ZNF679: variants seen among roughly 807,000 people sequenced by gnomAD.
The protein encoded by ZNF679 is zinc finger protein 679.
A neutral mutation model predicts 13.4 loss-of-function variants in ZNF679; 10 were observed. That is an observed-to-expected ratio of 0.75 (90% CI 0.46 to 1.27). The LOEUF (loss-of-function observed/expected upper bound fraction) is 1.27, where lower values mean the gene tolerates loss of function less well. Among genes scored for constraint, ZNF679 ranks in the 50% most tolerant of loss-of-function variants. ZNF679 has a pLI of 0.00. For missense variants in ZNF679, 525 were observed against 477.8 expected (o/e 1.10, Z -0.92); for synonymous variants, 179 against 162.5 (o/e 1.10, Z -0.77).
intron 1 of ZNF679, among the ~76,000 whole-genome samples, chr7:64,245,005 G>C (rs1787847741): frequency 1.3e-5 from 2 of 152,068 alleles, no homozygotes; most frequent in South Asian, 4.1e-4. Context: ...GTTGTTGTTT[G>C]TTTCAGGGAC....
In ZNF679 at chr7:64,260,430, A is replaced by G. The variant is rs184568657; in HGVS notation, c.166+83A>G. Reference sequence around the variant, plus strand: ...TGTTTTTTGGTAATTTCTGCTTTGCATGAGTGAATTTTAGCTCTCTGATTT... The same window carrying G: ...TGTTTTTTGGTAATTTCTGCTTTGCGTGAGTGAATTTTAGCTCTCTGATTT... On this transcript the variant is annotated intron_variant, in intron 3 of 4. Coordinates refer to ENST00000421025, the MANE Select transcript of ZNF679 (RefSeq NM_153363.3). 1.7e-4 allele frequency: 266 copies of G among 1,538,564 alleles called. No homozygotes were observed. The East Asian group carries it at 5.3e-3, about 31-fold the overall frequency.
intron 1 of ZNF679, among the ~76,000 whole-genome samples, chr7:64,230,271 C>T (rs1371157554): frequency 2.0e-5 from 3 of 152,094 alleles, no homozygotes; most frequent in South Asian, 2.1e-4. Context: ...CGGTGGCTCA[C>T]GCCTGTAATC....
rs571305358 is a variant in ZNF679, at chr7:64,232,180, A to G, written c.-91+3528A>G. 5.9e-5 allele frequency among the ~76,000 whole-genome samples: 9 copies of G among 152,214 alleles called. No homozygotes were observed. The South Asian group carries it at 6.2e-4, about 11-fold the overall frequency. On this transcript the variant is annotated intron_variant, in intron 1 of 4. Coordinates refer to ENST00000421025, the MANE Select transcript of ZNF679 (RefSeq NM_153363.3). ...TCCTGGGCGACAGAGTGAATCTCCC[A>G]GGTTTGAGACTGAGAACCTCAAGAG... is the stretch of plus-strand genomic sequence containing the variant.
At chr7:64,238,104 A>T (rs1369832740) in intron 1 of ZNF679, among the ~76,000 whole-genome samples, 2 of 152,100 alleles carry the variant, frequency 1.3e-5, no homozygotes, top group African/African-American at 4.8e-5. Context: ...TCACAAGAAA[A>T]TACCTGTTAA....
chr7:64,233,894 A>G (rs1486293672), intron 1 of ZNF679, among the ~76,000 whole-genome samples: 2 of 152,194 alleles, frequency 1.3e-5, no homozygotes, highest in Non-Finnish European at 2.9e-5. Context: ...CTTGTGAGAA[A>G]CAAGAACGAA....
intron 4 of ZNF679, 127 bp downstream of exon 4, chr7:64,261,056 A>ATT: frequency 3.1e-6 from 3 of 957,518 alleles, no homozygotes; most frequent in Non-Finnish European, 4.5e-6. Context: ...AGCCCGAGTC[A>ATT]TTTTTTTTTC....
At chr7:64,242,185 G>T (rs964653623) in intron 1 of ZNF679, among the ~76,000 whole-genome samples, 1 of 152,146 alleles carries the variant, frequency 6.6e-6, no homozygotes, top group Non-Finnish European at 1.5e-5. Context: ...TCACAATTCC[G>T]ATTTTTGACT....
Position 64,247,257 on chromosome 7 carries a change from A to G in ZNF679, c.-90-1771A>G, listed in dbSNP as rs193233297. Among the ~76,000 whole-genome samples, 304 of 152,190 alleles carry G rather than the reference A, an allele frequency of 2.0e-3. 1 individual carries two copies. Among genetic ancestry groups the G allele is most frequent in the African/African-American group, 7.0e-3 (290 of 41,530 alleles). ...GTGCCAATCTCCTATTTATCCTCTG[A>G]CTTAGAATGCCCGACCTCATGGAAA... is the stretch of plus-strand genomic sequence containing the variant. On this transcript the variant is annotated intron_variant, in intron 1 of 4. Coordinates refer to ENST00000421025, the MANE Select transcript of ZNF679 (RefSeq NM_153363.3).
chr7:64,264,890 T>G (rs1185791207), intron 4 of ZNF679, among the ~76,000 whole-genome samples: 1 of 152,072 alleles, frequency 6.6e-6, no homozygotes, highest in Non-Finnish European at 1.5e-5. Flanking sequence ...CATTATTTTT[T>G]TCTTACTTCT....
intron 1 of ZNF679, among the ~76,000 whole-genome samples, chr7:64,236,975 A>AAGAGAAAG (rs201487010): frequency 6.8e-3 from 110 of 16,258 alleles, no homozygotes; most frequent in African/African-American, 0.016. Flanking sequence ...GAAAGAAAGA[A>AAGAGAAAG]AAAGAAAGAA....
intron 1 of ZNF679, among the ~76,000 whole-genome samples, chr7:64,229,893 G>T (rs950463743): frequency 3.9e-5 from 6 of 152,166 alleles, no homozygotes; most frequent in Admixed American, 3.9e-4. Context: ...GCAGTGCCAT[G>T]GCAGGAAAGC....
intron 1 of ZNF679, among the ~76,000 whole-genome samples, chr7:64,246,535 C>T (rs1172054109): frequency 6.6e-6 from 1 of 152,028 alleles, no homozygotes; most frequent in East Asian, 1.9e-4. Flanking sequence ...TCAATCTGGC[C>T]AACATGGTGA....
chr7:64,236,922 GAAGAAAGA>G (rs1290345784), intron 1 of ZNF679, among the ~76,000 whole-genome samples: 41 of 85,396 alleles, frequency 4.8e-4, no homozygotes, highest in South Asian at 1.4e-3. Context: ...AAGAAAGAAA[GAAGAAAGA>G]AAGAAAGAAA....
Position 64,249,039 on chromosome 7 carries a change from T to G in ZNF679, c.-79T>G, listed in dbSNP as rs951601810. ...TTCTCTGCGTCCAGAGCTCCAGTTC[T>G]TCTCTTCACTGCTCTGCGTCCTCTG... is the stretch of plus-strand genomic sequence containing the variant. On this transcript the variant is annotated 5_prime_UTR_variant, in exon 2 of 5. Transcript: ENST00000421025. 1.1e-5 allele frequency: 17 copies of G among 1,601,766 alleles called. No homozygotes were observed. The highest frequency in any genetic ancestry group is 2.7e-5 in the African/African-American group (2 of 74,566).
chr7:64,237,444 C>A (rs1171820027), intron 1 of ZNF679, among the ~76,000 whole-genome samples: 1 of 152,132 alleles, frequency 6.6e-6, no homozygotes. Context: ...CCCCCTGAAC[C>A]CGGATGAGAC....
chr7:64,239,210 C>A (rs1787763176), intron 1 of ZNF679, among the ~76,000 whole-genome samples: 1 of 152,122 alleles, frequency 6.6e-6, no homozygotes, highest in Non-Finnish European at 1.5e-5. Flanking sequence ...ATATACGGAT[C>A]CAGTCCACAG....
At chr7:64,230,145 A>G (rs964394556) in intron 1 of ZNF679, among the ~76,000 whole-genome samples, 6 of 152,192 alleles carry the variant, frequency 3.9e-5, no homozygotes, top group African/African-American at 1.4e-4. Context: ...CTAAAAATAT[A>G]CTATGATTTC....
chr7:64,261,463 G>T (rs1788076398), intron 4 of ZNF679, among the ~76,000 whole-genome samples: 1 of 151,920 alleles, frequency 6.6e-6, no homozygotes, highest in Admixed American at 6.6e-5. Context: ...TGGGTTATGA[G>T]ACTTGCTGTG....
At chr7:64,265,616 G>T (rs745631506) in intron 4 of ZNF679, among the ~76,000 whole-genome samples, 6 of 152,152 alleles carry the variant, frequency 3.9e-5, no homozygotes, top group Non-Finnish European at 7.4e-5. Context: ...GGATGAAGAA[G>T]GGCTGTGTTG....
Sources: allele counts gnomAD v4.1 joint callset (sites outside exome capture counted in the v4.1 genomes callset), GRCh38; gene constraint gnomAD v4.1.1; transcripts MANE v1.5; gene names NCBI Gene and HGNC (gene_info 2026-07-23, HGNC 2026-07-21).